The following PTK7 variants were observed in gnomAD, a reference collection of about 807,000 sequenced individuals.
The protein encoded by PTK7 is protein tyrosine kinase 7 (inactive).
Under a neutral mutation model 116.6 loss-of-function variants are expected in PTK7, and 39 were observed. The ratio of observed to expected loss-of-function variants is 0.33; its 90% CI spans 0.26 to 0.44. The LOEUF (loss-of-function observed/expected upper bound fraction) is 0.44. Among genes scored for constraint, PTK7 ranks in the 20% least tolerant of loss-of-function variants. PTK7 has a pLI of 1.00. For missense variants in PTK7, 1,169 were observed against 1,425.6 expected (o/e 0.82, Z 2.90); for synonymous variants, 546 against 563.6 (o/e 0.97, Z 0.44).
intron 1 of PTK7, among the ~76,000 whole-genome samples, chr6:43,116,660 A>G (rs3805932): frequency 0.37 from 40,647 of 110,756 alleles, 6,139 homozygotes; most frequent in African/African-American, 0.47. Flanking sequence ...GTGCGCGCGC[A>G]CGCACGCACG....
At chr6:43,090,284 C>G (rs1238290333) in intron 1 of PTK7, among the ~76,000 whole-genome samples, 1 of 152,230 alleles carries the variant, frequency 6.6e-6, no homozygotes, top group Non-Finnish European at 1.5e-5. Context: ...CTCCCAATAG[C>G]CCCACCAGTG....
intron 1 of PTK7, among the ~76,000 whole-genome samples, chr6:43,077,935 G>A (rs1181746915): frequency 2.6e-5 from 4 of 152,242 alleles, no homozygotes; most frequent in Admixed American, 2.0e-4. Flanking sequence ...TGATGTGTGT[G>A]GTGGTTATTG....
At chr6:43,136,282 CAG>C (rs1031788403) in intron 7 of PTK7, among the ~76,000 whole-genome samples, 2 of 151,144 alleles carry the variant, frequency 1.3e-5, no homozygotes, top group African/African-American at 4.9e-5. Flanking sequence ...TTGCAGTGAA[CAG>C]AGATCGCGCC....
At chr6:43,131,076 C>CACAT (rs1311449045) in intron 5 of PTK7, among the ~76,000 whole-genome samples, 34 of 147,266 alleles carry the variant, frequency 2.3e-4, no homozygotes, top group African/African-American at 7.5e-4. Flanking sequence ...CACACACACA[C>CACAT]ACTTTTTAGA....
At position 43,160,881 on chromosome 6, in the gene PTK7, A is replaced by G; in HGVS notation, c.3213A>G (p.Ter1071TrpextTer22). The change falls in exon 20 of 20, where the codon TGA becomes TGG. Residue 1071 changes from the stop codon to tryptophan, a stop_lost. Coordinates refer to ENST00000230419, the MANE Select transcript of PTK7 (RefSeq NM_002821.5). ...LGDSTVDSKP[*>W] Reference sequence around the variant, plus strand: ...ACAGCACCGTGGACAGCAAGCCGTGAGGAGGGAGCCCGCTCAGGATGGCCT... The same window carrying G: ...ACAGCACCGTGGACAGCAAGCCGTGGGGAGGGAGCCCGCTCAGGATGGCCT... The G allele has an allele frequency of 6.2e-7, 1 of 1,613,716 alleles. No individual in the cohort carries two copies. The highest frequency in any genetic ancestry group is 1.1e-5 in the South Asian group (1 of 91,056).
chr6:43,140,452 C>CAA (rs58975715), intron 10 of PTK7, among the ~76,000 whole-genome samples: 18,353 of 101,334 alleles, frequency 0.18, 1,947 homozygotes, highest in East Asian at 0.41. Flanking sequence ...GACTCCATCT[C>CAA]AAAAAAAAAA....
intron 1 of PTK7, among the ~76,000 whole-genome samples, chr6:43,116,891 T>G (rs2150410029): frequency 6.6e-6 from 1 of 152,230 alleles, no homozygotes. Flanking sequence ...TGGTGCGACC[T>G]CGACTCACTG....
intron 1 of PTK7, among the ~76,000 whole-genome samples, chr6:43,126,609 C>A (rs1322491062): frequency 1.3e-5 from 2 of 152,208 alleles, no homozygotes; most frequent in Admixed American, 6.5e-5. Context: ...GTTTCTGAGT[C>A]CCTGGGCGGG....
rs1279628796 is a variant in PTK7 at position 43,118,745 on chromosome 6, GTGTA to G, written c.80-10228_80-10225del. ...TATATACATATATGTATATATGTGT[GTGTA>G]TGTGTGTGTGTGTGTGTGTGTGTGT... is the stretch of plus-strand genomic sequence containing the variant. On this transcript the variant is annotated intron_variant, in intron 1 of 19. Transcript: ENST00000230419. Among the ~76,000 whole-genome samples, 8 of 123,372 alleles carry G rather than the reference GTGTA, an allele frequency of 6.5e-5. No homozygotes were observed. In the South Asian group the frequency reaches 8.2e-4, roughly 13 times the overall value. 80.9% of individuals were successfully genotyped at this position (123,372 alleles called of 152,430 possible). A position where few individuals can be genotyped will look rare whatever the true frequency, so the allele number is the denominator to read the frequency against.
At chr6:43,156,248 A>G (rs2150478466) in intron 17 of PTK7, among the ~76,000 whole-genome samples, 1 of 149,918 alleles carries the variant, frequency 6.7e-6, no homozygotes, top group South Asian at 2.1e-4. Flanking sequence ...AAAAAAAAAA[A>G]AAAAAAGAAT....
At chr6:43,127,101 C>A (rs1769336771) in intron 1 of PTK7, among the ~76,000 whole-genome samples, 1 of 152,240 alleles carries the variant, frequency 6.6e-6, no homozygotes, top group African/African-American at 2.4e-5. Context: ...ACCCCACCTC[C>A]AGGGACTTGG....
At chr6:43,118,663 A>C (rs59477217) in intron 1 of PTK7, among the ~76,000 whole-genome samples, 11,233 of 46,710 alleles carry the variant, frequency 0.24, 686 homozygotes, top group Non-Finnish European at 0.3. Flanking sequence ...CTCTCTCTAT[A>C]TATATATATA....
chr6:43,150,501 T>C (rs1770999881), intron 17 of PTK7, among the ~76,000 whole-genome samples: 1 of 152,158 alleles, frequency 6.6e-6, no homozygotes, highest in South Asian at 2.1e-4. Context: ...AAGTCCACCT[T>C]CTTCTGTTTA....
chr6:43,150,201 A>G (rs1429030130), intron 17 of PTK7, among the ~76,000 whole-genome samples: 1 of 152,234 alleles, frequency 6.6e-6, no homozygotes, highest in African/African-American at 2.4e-5. Context: ...ATGCCGTGGC[A>G]GGAAACAGAA....
intron 17 of PTK7, among the ~76,000 whole-genome samples, chr6:43,157,184 C>G (rs1341622700): frequency 1.5e-5 from 2 of 134,050 alleles, no homozygotes; most frequent in African/African-American, 5.8e-5. Context: ...TTTTTTTTTT[C>G]CCACAAAAAA....
At chr6:43,111,825 G>T (rs928546443) in intron 1 of PTK7, among the ~76,000 whole-genome samples, 5 of 148,200 alleles carry the variant, frequency 3.4e-5, no homozygotes, top group Non-Finnish European at 7.4e-5. Context: ...ATACCACCAT[G>T]CCCAGCTAAT....
At chr6:43,157,715 T>C (rs1771596776) in intron 17 of PTK7, among the ~76,000 whole-genome samples, 2 of 151,824 alleles carry the variant, frequency 1.3e-5, no homozygotes, top group East Asian at 3.9e-4. Context: ...ACACCGTCTC[T>C]ACCAAAGAAA....
At chr6:43,126,207 C>G (rs1408482419) in intron 1 of PTK7, among the ~76,000 whole-genome samples, 1 of 152,112 alleles carries the variant, frequency 6.6e-6, no homozygotes, top group Non-Finnish European at 1.5e-5. Flanking sequence ...GTAATCCCAG[C>G]TACTCGGGAG....
At chr6:43,099,884 A>T (rs1175966818) in intron 1 of PTK7, among the ~76,000 whole-genome samples, 1 of 149,316 alleles carries the variant, frequency 6.7e-6, no homozygotes, top group Non-Finnish European at 1.5e-5. Context: ...AGCTTTTGAG[A>T]CTCCATCTCT....
Sources: allele counts gnomAD v4.1 joint callset (sites outside exome capture counted in the v4.1 genomes callset), GRCh38; gene constraint gnomAD v4.1.1; transcripts MANE v1.5; gene names NCBI Gene and HGNC (gene_info 2026-07-23, HGNC 2026-07-21).